The following MLLT3 variants were observed in gnomAD, a reference collection of about 807,000 sequenced individuals.
MLLT3 encodes the protein protein AF-9.
In MLLT3, 4 loss-of-function variants were observed where a neutral mutation model predicts 53.2. The observed-to-expected ratio is 0.08, with a 90% CI of 0.04 to 0.17. The LOEUF (loss-of-function observed/expected upper bound fraction) is 0.17. Ranked by LOEUF, MLLT3 falls within the 10% of genes least tolerant of loss-of-function variation. The pLI is 1.00. For missense variants in MLLT3, 569 were observed against 684.0 expected (o/e 0.83, Z 1.87); for synonymous variants, 283 against 230.6 (o/e 1.23, Z -2.06).
intron 4 of MLLT3, among the ~76,000 whole-genome samples, chr9:20,417,982 T>C (rs985987296): frequency 2.0e-5 from 3 of 152,224 alleles, no homozygotes; most frequent in African/African-American, 4.8e-5. Context: ...CTCTTATTTT[T>C]GGTCTCTGTT....
intron 2 of MLLT3, among the ~76,000 whole-genome samples, chr9:20,564,717 C>T (rs1325466679): frequency 1.3e-5 from 2 of 152,138 alleles, no homozygotes; most frequent in African/African-American, 2.4e-5. Flanking sequence ...GCAACTATGG[C>T]ATTAAAGAAC....
At chr9:20,614,299 CAGG>C (rs1820770603) in intron 2 of MLLT3, among the ~76,000 whole-genome samples, 2 of 152,012 alleles carry the variant, frequency 1.3e-5, no homozygotes, top group African/African-American at 4.8e-5. Flanking sequence ...GAGGCTGAGG[CAGG>C]AGAATTAGTT....
chr9:20,450,396 A>T (rs566395824), intron 3 of MLLT3, among the ~76,000 whole-genome samples: 1 of 152,328 alleles, frequency 6.6e-6, no homozygotes, highest in East Asian at 1.9e-4. Flanking sequence ...CTTTCCACTG[A>T]TATAAAAGCC....
chr9:20,362,894 C>G (rs1017668613), intron 7 of MLLT3: 3 of 151,972 alleles, frequency 2.0e-5, no homozygotes, highest in African/African-American at 7.3e-5. Context: ...GAAATAAAAT[C>G]CTCAGGGCAA....
chr9:20,601,042 T>C (rs1820408568), intron 2 of MLLT3, among the ~76,000 whole-genome samples: 1 of 152,244 alleles, frequency 6.6e-6, no homozygotes, highest in South Asian at 2.1e-4. Flanking sequence ...TTGCTTTTTC[T>C]CTGCACCGTT....
intron 3 of MLLT3, among the ~76,000 whole-genome samples, chr9:20,454,422 G>A (rs1471630478): frequency 6.6e-6 from 1 of 152,172 alleles, no homozygotes; most frequent in Non-Finnish European, 1.5e-5. Flanking sequence ...GTTCAACTCC[G>A]AGCTTGTACA....
chr9:20,357,658 C>T (rs901836664), intron 8 of MLLT3, among the ~76,000 whole-genome samples: 3 of 152,144 alleles, frequency 2.0e-5, no homozygotes, highest in African/African-American at 4.8e-5. Flanking sequence ...GCTTGGTTGA[C>T]GTGTGACTCT....
intron 7 of MLLT3, 176 bp downstream of exon 7, chr9:20,363,300 G>A (rs1821370477): frequency 4.9e-6 from 3 of 608,958 alleles, no homozygotes; most frequent in South Asian, 3.9e-5. Flanking sequence ...TGAGAAAAAG[G>A]AGAAACAGTT....
At chr9:20,565,968 T>TTTATATATATATATATTTA (rs1347373715) in intron 2 of MLLT3, among the ~76,000 whole-genome samples, 1 of 32,792 alleles carries the variant, frequency 3.0e-5, no homozygotes, top group Non-Finnish European at 6.1e-5. Flanking sequence ...ATATATATAT[T>TTTATATATATATATATTTA]TATATATATA....
chr9:20,413,481 T>A (rs1165664032), intron 5 of MLLT3, among the ~76,000 whole-genome samples: 3 of 152,244 alleles, frequency 2.0e-5, no homozygotes, highest in Non-Finnish European at 4.4e-5. Flanking sequence ...CCCATTATAA[T>A]GCTATGGAAA....
In MLLT3 at chr9:20,621,894, C is replaced by T. The variant is rs1821024094; in HGVS notation, c.12+351G>A. On this transcript the variant is annotated intron_variant, in intron 1 of 10. Transcript: ENST00000380338. The surrounding 1 kb of genome is among the most constrained non-coding windows in gnomAD (Gnocchi z 7.0). Reference sequence around the variant, plus strand: ...AATATGGCTGAGTTATTATTCGCCTCCTTCCACCGTGTGTGTGTGTGTGTG... The same window carrying T: ...AATATGGCTGAGTTATTATTCGCCTTCTTCCACCGTGTGTGTGTGTGTGTG... The T allele has an allele frequency of 7.3e-7, 1 of 1,365,544 alleles. No homozygotes were observed. Among genetic ancestry groups the T allele is most frequent in the Non-Finnish European group, 9.4e-7 (1 of 1,067,520 alleles). The allele number at this position is 1,365,544 out of a possible 1,614,324, so 84.6% of individuals were successfully genotyped here. A position where few individuals can be genotyped will look rare whatever the true frequency, so the allele number is the denominator to read the frequency against.
intron 2 of MLLT3, among the ~76,000 whole-genome samples, chr9:20,533,837 A>G (rs967356399): frequency 6.6e-5 from 10 of 152,240 alleles, no homozygotes; most frequent in Non-Finnish European, 1.5e-5. Flanking sequence ...GGTAGAACCT[A>G]AAAACGCTGA....
rs61484181 is a variant in MLLT3, at chr9:20,431,706, T to C, written c.420+16417A>G. On this transcript the variant is annotated intron_variant, in intron 4 of 10. Transcript: ENST00000380338. The stretch of plus-strand genomic sequence containing the variant: ...GACATATGCACAAAAAGGTTCATAA[T>C]TGCAAAACCAAATAAAAAGGGGTAA... Among the ~76,000 whole-genome samples, 828 of 152,132 alleles carry C rather than the reference T, an allele frequency of 5.4e-3. 10 individuals are homozygous for C. Among genetic ancestry groups the C allele is most frequent in the African/African-American group, 0.018 (742 of 41,506 alleles).
At chr9:20,350,760 T>C (rs1323537995) in intron 10 of MLLT3, among the ~76,000 whole-genome samples, 1 of 152,204 alleles carries the variant, frequency 6.6e-6, no homozygotes, top group Non-Finnish European at 1.5e-5. Flanking sequence ...ACGCAGGCTG[T>C]TGGATGTCTC....
At chr9:20,613,511 T>A (rs1820752324) in intron 2 of MLLT3, among the ~76,000 whole-genome samples, 1 of 151,966 alleles carries the variant, frequency 6.6e-6, no homozygotes, top group South Asian at 2.1e-4. Context: ...TCAAATAAGA[T>A]AATATGTAAA....
intron 2 of MLLT3, among the ~76,000 whole-genome samples, chr9:20,571,330 G>GTGA (rs1819527199): frequency 6.6e-6 from 1 of 152,144 alleles, no homozygotes; most frequent in African/African-American, 2.4e-5. Flanking sequence ...ACACAGTGAA[G>GTGA]TGATGACCTA....
chr9:20,551,084 C>T (rs942229151), intron 2 of MLLT3, among the ~76,000 whole-genome samples: 2 of 152,160 alleles, frequency 1.3e-5, no homozygotes, highest in African/African-American at 4.8e-5. Flanking sequence ...CTTTAAATGG[C>T]CAATTCGGCT....
chr9:20,474,471 C>T (rs1824472836), intron 2 of MLLT3, among the ~76,000 whole-genome samples: 1 of 151,964 alleles, frequency 6.6e-6, no homozygotes, highest in South Asian at 2.1e-4. Flanking sequence ...ATGGACCTAC[C>T]CTATCTTGTC....
chr9:20,470,267 G>A (rs868676763), intron 2 of MLLT3, among the ~76,000 whole-genome samples: 1 of 151,884 alleles, frequency 6.6e-6, no homozygotes, highest in African/African-American at 2.4e-5. Context: ...AGAAAAAAAT[G>A]TTTATCACGT....
Sources: gnomAD v4.1 joint callset for allele counts (sites outside exome capture counted in the v4.1 genomes callset) on GRCh38, gnomAD v4.1.1 for gene constraint, Gnocchi (gnomAD v3.1) non-coding constraint, MANE v1.5 for transcripts, NCBI Gene and HGNC (gene_info 2026-07-23, HGNC 2026-07-21) for gene names.